Variants in BAZ2B observed in about 807,000 individuals in gnomAD.
BAZ2B encodes bromodomain adjacent to zinc finger domain protein 2B.
BAZ2B carries 91 observed loss-of-function variants against 246.0 expected under a neutral mutation model. That is an observed-to-expected ratio of 0.37 (90% confidence interval 0.31 to 0.44). The LOEUF (loss-of-function observed/expected upper bound fraction) is 0.44. Among genes scored for constraint, BAZ2B ranks in the 20% least tolerant of loss-of-function variants. The pLI is 1.00. For missense variants in BAZ2B, 2,332 were observed against 2,533.7 expected (o/e 0.92, Z 1.71); for synonymous variants, 855 against 860.0 (o/e 0.99, Z 0.10).
chr2:159,659,437 A>C, the BAZ2B span, among the ~76,000 whole-genome samples: 5 of 152,148 alleles, frequency 3.3e-5, no homozygotes, highest in African/African-American at 1.2e-4. Context: ...TTAGCAAGGG[A>C]TGTGTGGAGA....
the BAZ2B span, among the ~76,000 whole-genome samples, chr2:159,703,662 T>A: frequency 6.6e-5 from 10 of 152,138 alleles, no homozygotes; most frequent in African/African-American, 2.4e-4. Flanking sequence ...GGTGAGCAGA[T>A]TGCTTGAGCC....
chr2:159,666,665 G>T, the BAZ2B span, among the ~76,000 whole-genome samples: 1 of 152,074 alleles, frequency 6.6e-6, no homozygotes, highest in Non-Finnish European at 1.5e-5. Context: ...AGACCAGCCT[G>T]GCCAACACAA....
At chr2:159,352,188 G>A (rs2058637293) in intron 27 of BAZ2B, among the ~76,000 whole-genome samples, 1 of 152,126 alleles carries the variant, frequency 6.6e-6, no homozygotes, top group South Asian at 2.1e-4. Context: ...AACATGCTAA[G>A]TTCTTGCCCT....
the BAZ2B span, among the ~76,000 whole-genome samples, chr2:159,663,618 C>T: frequency 6.6e-6 from 1 of 151,578 alleles, no homozygotes; most frequent in Non-Finnish European, 1.5e-5. Flanking sequence ...CTCCTGGGTT[C>T]AAGCGATTCT....
Position 159,319,584 on chromosome 2 carries a change from T to A in BAZ2B, c.*681A>T, listed in dbSNP as rs2062467025. The A allele has an allele frequency of 6.6e-6, 1 of 152,642 alleles. No individual in the cohort carries two copies. The highest frequency in any genetic ancestry group is 1.9e-4 in the East Asian group (1 of 5,204). The allele number at this position is 152,642 out of a possible 1,614,324, so 9.5% of individuals were successfully genotyped here. A position where few individuals can be genotyped will look rare whatever the true frequency, so the allele number is the denominator to read the frequency against. ...TAAACAAGAATGAACAGTATATACATGTCAATTTTTTCACTGTTTTGAAAT... is the reference window on the plus strand; with the variant it reads ...TAAACAAGAATGAACAGTATATACAAGTCAATTTTTTCACTGTTTTGAAAT... On this transcript the variant is annotated 3_prime_UTR_variant, in exon 37 of 37. Transcript: ENST00000392783. The surrounding 1 kb of genome is among the most constrained non-coding windows in gnomAD (Gnocchi z 4.0).
At chr2:159,704,483 T>TC in the BAZ2B span, among the ~76,000 whole-genome samples, 2 of 50,304 alleles carry the variant, frequency 4.0e-5, no homozygotes, top group African/African-American at 2.1e-4. Flanking sequence ...TTTCTTTTTC[T>TC]TTTTTTTTTT....
At chr2:159,453,878 T>A in intron 3 of BAZ2B, 77 bp from the exon 4 acceptor site, 1 of 1,207,106 alleles carries the variant, frequency 8.3e-7, no homozygotes, top group Non-Finnish European at 1.1e-6. Flanking sequence ...TGTTTATAGT[T>A]AAAATTTATA....
intron 36 of BAZ2B, among the ~76,000 whole-genome samples, chr2:159,322,731 A>C (rs2062867101): frequency 6.6e-6 from 1 of 152,178 alleles, no homozygotes; most frequent in African/African-American, 2.4e-5. Flanking sequence ...TCATGTAAGT[A>C]GGCCCCTCCC....
intron 2 of BAZ2B, among the ~76,000 whole-genome samples, chr2:159,498,534 T>C (rs1384197345): frequency 6.6e-6 from 1 of 152,214 alleles, no homozygotes; most frequent in Non-Finnish European, 1.5e-5. Context: ...ATAACTAAAA[T>C]AGTAAAACTG....
the BAZ2B span, among the ~76,000 whole-genome samples, chr2:159,637,718 C>T: frequency 1.4e-4 from 21 of 152,040 alleles, no homozygotes; most frequent in African/African-American, 4.8e-4. Context: ...CCACCATGCC[C>T]GAGTAATTTT....
At chr2:159,553,066 G>C (rs1206109317) in intron 2 of BAZ2B, among the ~76,000 whole-genome samples, 1 of 152,140 alleles carries the variant, frequency 6.6e-6, no homozygotes, top group African/African-American at 2.4e-5. Context: ...ACATTAGGTA[G>C]AGTGTACAGT....
chr2:159,461,059 G>A (rs1353432029), intron 3 of BAZ2B: 2 of 152,456 alleles, frequency 1.3e-5, no homozygotes, highest in Admixed American at 1.3e-4. Flanking sequence ...TGCATACACA[G>A]CTCAATGGGT....
chr2:159,450,800 C>T (rs2074985861), intron 4 of BAZ2B, among the ~76,000 whole-genome samples: 1 of 150,304 alleles, frequency 6.7e-6, no homozygotes, highest in Non-Finnish European at 1.5e-5. Context: ...AGTGCAGTGG[C>T]CTGCTAGGGG....
chr2:159,691,910 A>G, the BAZ2B span, among the ~76,000 whole-genome samples: 1 of 152,232 alleles, frequency 6.6e-6, no homozygotes, highest in African/African-American at 2.4e-5. Context: ...AGCAGCTGCA[A>G]AATTACTACA....
At position 159,524,548 on chromosome 2, in the gene BAZ2B, T is replaced by C. The variant is rs995965361; in HGVS notation, c.-3+31275A>G. Among the ~76,000 whole-genome samples the C allele has an allele frequency of 3.3e-5, 5 of 152,076 alleles. No homozygotes were observed. In the South Asian group the frequency reaches 8.3e-4, roughly 25 times the overall value. ...CCTAGCAGCTGCCAAGATATTTCAA[T>C]AGAACCAATTCACATGGTTCTGCAG... On this transcript the variant is annotated intron_variant, in intron 2 of 36. Coordinates refer to ENST00000392783, the MANE Select transcript of BAZ2B (RefSeq NM_013450.4).
At chr2:159,579,394 A>C (rs1041347354) in intron 1 of BAZ2B, among the ~76,000 whole-genome samples, 8 of 152,216 alleles carry the variant, frequency 5.3e-5, no homozygotes, top group Non-Finnish European at 2.9e-5. Flanking sequence ...GAATCCCTGA[A>C]TAGATCAATA....
intron 2 of BAZ2B, among the ~76,000 whole-genome samples, chr2:159,549,468 AT>A (rs2087833320): frequency 6.6e-6 from 1 of 152,104 alleles, no homozygotes; most frequent in South Asian, 2.1e-4. Context: ...AGAATGAATC[AT>A]TTCCCTTTCC....
At chr2:159,598,423 TTA>T (rs751356504) in intron 1 of BAZ2B, among the ~76,000 whole-genome samples, 2 of 152,210 alleles carry the variant, frequency 1.3e-5, no homozygotes, top group Non-Finnish European at 1.5e-5. Flanking sequence ...TAGGTTAAGA[TTA>T]TATAGATAAC....
At chr2:159,327,528 A>T (rs2063893673) in intron 34 of BAZ2B, among the ~76,000 whole-genome samples, 1 of 152,174 alleles carries the variant, frequency 6.6e-6, no homozygotes, top group African/African-American at 2.4e-5. Context: ...TATATTCATT[A>T]AAATCTGATT....
Sources: gnomAD v4.1 joint callset for allele counts (sites outside exome capture counted in the v4.1 genomes callset) on GRCh38, gnomAD v4.1.1 for gene constraint, Gnocchi (gnomAD v3.1) non-coding constraint, MANE v1.5 for transcripts, NCBI Gene and HGNC (gene_info 2026-07-23, HGNC 2026-07-21) for gene names.